ZNF622: variants seen among roughly 807,000 people sequenced by gnomAD.
ZNF622 encodes cytoplasmic 60S subunit biogenesis factor ZNF622.
In ZNF622, 34 loss-of-function variants were observed where a neutral mutation model predicts 49.7. The observed-to-expected ratio is 0.68, with a 90% CI of 0.52 to 0.91. The LOEUF is 0.91. ZNF622 is among the 40% of genes least tolerant of loss of function. ZNF622 has a pLI of 0.00. For synonymous variants in ZNF622, 209 were observed against 228.7 expected (o/e 0.91, Z 0.78); for missense variants, 569 against 616.4 (o/e 0.92, Z 0.81).
rs1333069067 is a variant in ZNF622, at chr5:16,465,330, C to A, written c.336G>T (p.Lys112Asn). The change falls in exon 1 of 6, where the codon AAG (lysine) becomes AAT (asparagine). Residue 112 changes from lysine (K) to asparagine (N), a missense_variant. Physicochemically the swap from Lys to Asn is moderately conservative, Grantham distance 94 (BLOSUM62 0). Transcript: ENST00000308683. This position sits in a 1 kb window ranked among gnomAD's most constrained non-coding sequence, Gnocchi z 6.2. ...VNRKVEMMNE[K>N]NLEKGLGVDS... ...CCACGCCCAGTCCTTTCTCCAAGTT[C>A]TTTTCATTCATCATCTCCACTTTCC... The A allele has an allele frequency of 4.3e-6, 7 of 1,614,268 alleles. No individual in the cohort carries two copies. The highest frequency in any genetic ancestry group is 3.3e-4 in the Middle Eastern group (2 of 6,062).
chr5:16,463,524 T>C lies in ZNF622; in HGVS notation c.844A>G (p.Ile282Val). 6.2e-7 allele frequency: 1 copy of C among 1,613,960 alleles called. No homozygotes were observed. The highest frequency in any genetic ancestry group is 8.5e-7 in the Non-Finnish European group (1 of 1,179,778). ...TKDHSFFIPD[I>V]EYLSDIKGLI... is the part of the protein sequence containing the mutation. ...CCCTTAATATCTGAAAGATATTCTATATCAGGAATAAAGAAACTGTGGTCT... is the reference window on the plus strand; with the variant it reads ...CCCTTAATATCTGAAAGATATTCTACATCAGGAATAAAGAAACTGTGGTCT... The change falls in exon 2 of 6, where the codon ATA becomes GTA. Residue 282 changes from isoleucine to valine, a missense_variant. Ile to Val is a conservative substitution (Grantham distance 29, BLOSUM62 3). Transcript: ENST00000308683. This position sits in a 1 kb window ranked among gnomAD's most constrained non-coding sequence, Gnocchi z 4.2.
intron 4 of ZNF622, among the ~76,000 whole-genome samples, chr5:16,457,464 A>G (rs1738044422): frequency 1.3e-5 from 2 of 152,234 alleles, no homozygotes; most frequent in Middle Eastern, 3.2e-3. Flanking sequence ...ATAGGCCATA[A>G]TAATATATTG....
chr5:16,465,012 T>C lies in ZNF622; in HGVS notation c.625+29A>G. On this transcript the variant is annotated intron_variant, in intron 1 of 5. Transcript: ENST00000308683. The surrounding 1 kb of genome is among the most constrained non-coding windows in gnomAD (Gnocchi z 6.2). ...CTTAAGGGTGGGCCAAGTTCCTCTT[T>C]ACCCTCCCCGCCCAGACAGGGCCAT... 3 of 1,538,648 alleles carry C rather than the reference T, an allele frequency of 1.9e-6. No individual in the cohort carries two copies. The highest frequency in any genetic ancestry group is 2.3e-5 in the East Asian group (1 of 44,214).
At chr5:16,455,085 T>C (rs1185930813) in intron 4 of ZNF622, among the ~76,000 whole-genome samples, 6 of 152,194 alleles carry the variant, frequency 3.9e-5, no homozygotes, top group Non-Finnish European at 7.3e-5. Context: ...GACATAACCA[T>C]GCAGATATTT....
In ZNF622 at chr5:16,463,494, T is replaced by C; in HGVS notation, c.874A>G (p.Ile292Val). 6.2e-7 allele frequency: 1 copy of C among 1,612,740 alleles called. No homozygotes were observed. The highest frequency in any genetic ancestry group is 8.5e-7 in the Non-Finnish European group (1 of 1,178,900). The stretch of plus-strand genomic sequence containing the variant: ...CTATTGTACTTACCCAAGTATTTAA[T>C]CAGTCCCTTAATATCTGAAAGATAT... ...IEYLSDIKGL[I>V]KYLGEKVGVG... The change falls in exon 2 of 6, where the codon ATT becomes GTT. Residue 292 changes from isoleucine to valine, a missense_variant. Transcript: ENST00000308683. This position sits in a 1 kb window ranked among gnomAD's most constrained non-coding sequence, Gnocchi z 4.2.
intron 4 of ZNF622, among the ~76,000 whole-genome samples, chr5:16,455,172 C>G (rs1243079112): frequency 1.3e-5 from 2 of 152,094 alleles, no homozygotes; most frequent in African/African-American, 4.8e-5. Flanking sequence ...TAGGTAGAAC[C>G]CTGTGTACGG....
rs371482709 is a variant in ZNF622 at position 16,461,461 on chromosome 5, T to C, written c.1049+1647A>G. Among the ~76,000 whole-genome samples, 313 of 152,284 alleles carry C rather than the reference T, an allele frequency of 2.1e-3. 2 individuals carry two copies. The highest frequency in any genetic ancestry group is 7.2e-3 in the African/African-American group (301 of 41,550). ...GAGACCAGGCAGCAGGAGGCTACTGTAGGAAGTCAGGCGAAAGATGATGGT... is the reference window on the plus strand; with the variant it reads ...GAGACCAGGCAGCAGGAGGCTACTGCAGGAAGTCAGGCGAAAGATGATGGT... On this transcript the variant is annotated intron_variant, in intron 3 of 5. Transcript: ENST00000308683.
rs531113193 is a variant in ZNF622 at position 16,460,585 on chromosome 5, C to A, written c.1050-1956G>T. 1.2e-3 allele frequency among the ~76,000 whole-genome samples: 174 copies of A among 151,070 alleles called. 3 individuals are homozygous for A. The South Asian group carries it at 0.034, about 30-fold the overall frequency. On this transcript the variant is annotated intron_variant, in intron 3 of 5. Coordinates refer to ENST00000308683, the MANE Select transcript of ZNF622 (RefSeq NM_033414.3). ...CTTTTTTTTTTTTCCTTTTTTTCCCCTAGAGACAGGGTCTCACTGTGTCAC... is the reference window on the plus strand; with the variant it reads ...CTTTTTTTTTTTTCCTTTTTTTCCCATAGAGACAGGGTCTCACTGTGTCAC...
chr5:16,463,568 T>C lies in ZNF622; in HGVS notation c.800A>G (p.Asn267Ser), dbSNP rs764949095. The C allele has an allele frequency of 6.2e-6, 10 of 1,614,226 alleles. No individual in the cohort carries two copies. Among genetic ancestry groups the C allele is most frequent in the Non-Finnish European group, 8.5e-6 (10 of 1,180,038 alleles). ...GTGGTCTTTGGTCATGTGAGCCACA[T>C]TCTTCATCAGCGAGCTGGAATGATG... ...CSHHSSSLMK[N>S]VAHMTKDHSF... The change falls in exon 2 of 6, where the codon AAT becomes AGT. Residue 267 changes from asparagine to serine, a missense_variant. Coordinates refer to ENST00000308683, the MANE Select transcript of ZNF622 (RefSeq NM_033414.3). This position sits in a 1 kb window ranked among gnomAD's most constrained non-coding sequence, Gnocchi z 4.2.
chr5:16,452,146 A>G (rs1737944898), intron 5 of ZNF622, among the ~76,000 whole-genome samples: 1 of 152,212 alleles, frequency 6.6e-6, no homozygotes. Flanking sequence ...TCTCTGCCAG[A>G]TTCAAGTGGC....
chr5:16,463,860 C>T lies in ZNF622; in HGVS notation c.626-118G>A. The T allele has an allele frequency of 5.8e-6, 6 of 1,031,500 alleles. No individual in the cohort carries two copies. Among genetic ancestry groups the T allele is most frequent in the Admixed American group, 2.3e-5 (1 of 43,732 alleles). The allele number at this position is 1,031,500 out of a possible 1,614,324, so 63.9% of individuals were successfully genotyped here. Reference sequence around the variant, plus strand: ...TGGAGAAACAGCCACACCCCAACTCCCAAGGACAACTCCTCTTTCAAGATC... The same window carrying T: ...TGGAGAAACAGCCACACCCCAACTCTCAAGGACAACTCCTCTTTCAAGATC... On this transcript the variant is annotated intron_variant, in intron 1 of 5. Coordinates refer to ENST00000308683, the MANE Select transcript of ZNF622 (RefSeq NM_033414.3). The surrounding 1 kb of genome is among the most constrained non-coding windows in gnomAD (Gnocchi z 4.2).
At position 16,463,676 on chromosome 5, in the gene ZNF622, A is replaced by T; in HGVS notation, c.692T>A (p.Val231Glu). The change falls in exon 2 of 6, where the codon GTG becomes GAG. Residue 231 changes from valine to glutamate, a missense_variant. Coordinates refer to ENST00000308683, the MANE Select transcript of ZNF622 (RefSeq NM_033414.3). The surrounding 1 kb of genome is among the most constrained non-coding windows in gnomAD (Gnocchi z 4.2). ...CTCTTCCTCCTCTGCATCCTGCTCC[A>T]CCACATCGTCCATTGCTTCAGTATC... The part of the protein sequence containing the change: ...CEDTEAMDDV[V>E]EQDAEEEEAE... 6.2e-7 allele frequency: 1 copy of T among 1,614,236 alleles called. No homozygotes were observed. The highest frequency in any genetic ancestry group is 8.5e-7 in the Non-Finnish European group (1 of 1,180,026).
chr5:16,460,170 G>A (rs558700495), intron 3 of ZNF622, among the ~76,000 whole-genome samples: 2 of 152,248 alleles, frequency 1.3e-5, no homozygotes, highest in South Asian at 2.1e-4. Flanking sequence ...CATTGTAAAT[G>A]CTATGTAAAT....
chr5:16,458,383 C>G (rs537302962), intron 4 of ZNF622, 134 bp downstream of exon 4: 61 of 629,636 alleles, frequency 9.7e-5, no homozygotes, highest in Non-Finnish European at 1.6e-4. Flanking sequence ...AGGGTTTACA[C>G]CGTACATGAG....
At chr5:16,459,937 T>C (rs1344067916) in intron 3 of ZNF622, among the ~76,000 whole-genome samples, 1 of 152,192 alleles carries the variant, frequency 6.6e-6, no homozygotes, top group African/African-American at 2.4e-5. Flanking sequence ...ATGCTGTTTC[T>C]TGATCTAGGT....
intron 5 of ZNF622, 31 bp from the exon 6 acceptor site, chr5:16,451,815 C>A: frequency 6.2e-7 from 1 of 1,602,620 alleles, no homozygotes; most frequent in Non-Finnish European, 8.5e-7. Flanking sequence ...AGAAATTAGG[C>A]AAAGTTCTGT....
At chr5:16,456,600 CA>C (rs894691202) in intron 4 of ZNF622, among the ~76,000 whole-genome samples, 1 of 151,996 alleles carries the variant, frequency 6.6e-6, no homozygotes, top group African/African-American at 2.4e-5. Context: ...TTGAATCTTA[CA>C]AGAAAAGTAG....
intron 4 of ZNF622, among the ~76,000 whole-genome samples, chr5:16,453,559 T>TA (rs1737968536): frequency 1.5e-5 from 1 of 67,176 alleles, no homozygotes; most frequent in Non-Finnish European, 3.2e-5. Flanking sequence ...TAAATAAAAA[T>TA]TATATATATA....
Position 16,465,142 on chromosome 5 carries a change from T to G in ZNF622, c.524A>C (p.Glu175Ala), listed in dbSNP as rs751662994. ...GRGTHDRDPS[E>A]KPPRLQWFEQ... The stretch of plus-strand genomic sequence containing the variant: ...AAACCACTGGAGCCGGGGTGGTTTC[T>G]CACTCGGGTCTCGGTCGTGGGTCCC... Residue 175 changes from glutamate to alanine, a missense_variant, in exon 1 of 6, where the codon GAG (glutamate) becomes GCG (alanine). Coordinates refer to ENST00000308683, the MANE Select transcript of ZNF622 (RefSeq NM_033414.3). This position sits in a 1 kb window ranked among gnomAD's most constrained non-coding sequence, Gnocchi z 6.2. 1.2e-6 allele frequency: 2 copies of G among 1,614,048 alleles called. No homozygotes were observed. The highest frequency in any genetic ancestry group is 2.7e-5 in the African/African-American group (2 of 74,934).
Sources: allele counts gnomAD v4.1 joint callset (sites outside exome capture counted in the v4.1 genomes callset), GRCh38; gene constraint gnomAD v4.1.1; non-coding constraint Gnocchi (gnomAD v3.1); transcripts MANE v1.5; gene names NCBI Gene and HGNC (gene_info 2026-07-23, HGNC 2026-07-21).